The following FAXC variants were observed in gnomAD, a reference collection of about 807,000 sequenced individuals.
The protein encoded by FAXC is failed axon connections homolog, metaxin like GST domain containing.
FAXC carries 10 observed loss-of-function variants against 41.9 expected under a neutral mutation model. The ratio of observed to expected loss-of-function variants is 0.24; its 90% CI spans 0.15 to 0.41. The LOEUF (loss-of-function observed/expected upper bound fraction) is 0.41. FAXC is among the 10% of genes least tolerant of loss of function. The pLI is 1.00. For missense variants in FAXC, 399 were observed against 510.9 expected (o/e 0.78, Z 2.11); for synonymous variants, 183 against 183.8 (o/e 1.00, Z 0.03).
rs1230383959 is a variant in FAXC at position 99,273,426 on chromosome 6, A to G, written c.*7738T>C. ...AGATTGATGCTGAAATTCACAGACA[A>G]TACATCCTGCATTTGCATTATCTGG... On this transcript the variant is annotated 3_prime_UTR_variant, in exon 6 of 6. Coordinates refer to ENST00000389677, the MANE Select transcript of FAXC (RefSeq NM_032511.4). The G allele has an allele frequency of 6.6e-6, 1 of 151,568 alleles. No homozygotes were observed. Among genetic ancestry groups the G allele is most frequent in the Non-Finnish European group, 1.5e-5 (1 of 67,974 alleles). The allele number at this position is 151,568 out of a possible 1,614,324, so 9.4% of individuals were successfully genotyped here. A position where few individuals can be genotyped will look rare whatever the true frequency, so the allele number is the denominator to read the frequency against.
intron 4 of FAXC, among the ~76,000 whole-genome samples, chr6:99,317,542 TAGTC>T (rs1582659441): frequency 6.6e-6 from 1 of 150,376 alleles, no homozygotes; most frequent in East Asian, 1.9e-4. Flanking sequence ...ACCAAGGTAG[TAGTC>T]AGGTCAGAAA....
At chr6:99,302,694 G>A (rs1318246712) in intron 4 of FAXC, among the ~76,000 whole-genome samples, 2 of 151,816 alleles carry the variant, frequency 1.3e-5, no homozygotes. Context: ...ATATCACTAG[G>A]TCCAGCCTAC....
rs919804344 is a variant in FAXC at position 99,278,835 on chromosome 6, T to G, written c.*2329A>C. On this transcript the variant is annotated 3_prime_UTR_variant, in exon 6 of 6. Transcript: ENST00000389677. ...TTATTTTACAACTTCATTTTCAAAG[T>G]TGGTTCTCCACATACTTGTATTCCA... The G allele has an allele frequency of 3.3e-5, 5 of 152,216 alleles. No individual in the cohort carries two copies. The highest frequency in any genetic ancestry group is 1.2e-4 in the African/African-American group (5 of 41,458). The allele number at this position is 152,216 out of a possible 1,614,324, so 9.4% of individuals were successfully genotyped here.
At chr6:99,348,964 G>A in intron 1 of FAXC, 143 bp downstream of exon 1, 1 of 749,780 alleles carries the variant, frequency 1.3e-6, no homozygotes, top group South Asian at 1.7e-5. Flanking sequence ...GACCACAAAT[G>A]CCTTTAGGGA....
At chr6:99,287,475 T>C (rs951220000) in intron 5 of FAXC, among the ~76,000 whole-genome samples, 7 of 152,208 alleles carry the variant, frequency 4.6e-5, no homozygotes, top group African/African-American at 1.4e-4. Flanking sequence ...TACATATGTA[T>C]ATTCAAAGCC....
chr6:99,325,125 G>A (rs1772747758), intron 3 of FAXC, among the ~76,000 whole-genome samples: 1 of 151,444 alleles, frequency 6.6e-6, no homozygotes, highest in Non-Finnish European at 1.5e-5. Context: ...TAAATCAAAG[G>A]GGTGAAAAAT....
At chr6:99,299,444 A>G (rs1424411197) in intron 4 of FAXC, among the ~76,000 whole-genome samples, 1 of 152,224 alleles carries the variant, frequency 6.6e-6, no homozygotes, top group African/African-American at 2.4e-5. Flanking sequence ...TAAGACATAA[A>G]GTACAATTGT....
intron 4 of FAXC, among the ~76,000 whole-genome samples, chr6:99,305,367 T>C (rs1464488382): frequency 6.6e-6 from 1 of 152,150 alleles, no homozygotes; most frequent in East Asian, 1.9e-4. Context: ...GGTGATGAAT[T>C]AGAGCCATCT....
At chr6:99,348,784 C>A (rs1007905783) in intron 1 of FAXC, among the ~76,000 whole-genome samples, 2 of 152,224 alleles carry the variant, frequency 1.3e-5, no homozygotes, top group Non-Finnish European at 2.9e-5. Flanking sequence ...TAACCTATTT[C>A]TGCAGGGCCC....
chr6:99,286,780 A>C (rs1771043251), intron 5 of FAXC, among the ~76,000 whole-genome samples: 2 of 152,088 alleles, frequency 1.3e-5, no homozygotes, highest in Admixed American at 1.3e-4. Context: ...ATCAAATCTA[A>C]CTCCACATTA....
chr6:99,297,944 A>G (rs903707955), intron 4 of FAXC, among the ~76,000 whole-genome samples: 1 of 152,202 alleles, frequency 6.6e-6, no homozygotes, highest in African/African-American at 2.4e-5. Context: ...AGAGTAGTCT[A>G]GCAGCACCAG....
chr6:99,289,390 C>T (rs1006044732), intron 5 of FAXC, among the ~76,000 whole-genome samples: 1 of 152,116 alleles, frequency 6.6e-6, no homozygotes, highest in Non-Finnish European at 1.5e-5. Flanking sequence ...GTGGTTCATA[C>T]CTGTTATCTC....
At chr6:99,307,234 G>C (rs1229745304) in intron 4 of FAXC, among the ~76,000 whole-genome samples, 1 of 152,192 alleles carries the variant, frequency 6.6e-6, no homozygotes, top group African/African-American at 2.4e-5. Context: ...TGGGAGATAA[G>C]GGAAGAGCAT....
intron 4 of FAXC, among the ~76,000 whole-genome samples, chr6:99,304,839 A>C (rs1253612494): frequency 6.6e-6 from 1 of 152,074 alleles, no homozygotes; most frequent in Non-Finnish European, 1.5e-5. Context: ...ATAACACAGC[A>C]CTCCCTTGAT....
chr6:99,331,699 A>T (rs891576141), intron 3 of FAXC, among the ~76,000 whole-genome samples: 2 of 152,220 alleles, frequency 1.3e-5, no homozygotes, highest in Non-Finnish European at 2.9e-5. Context: ...CAATGGGCCC[A>T]TCAATCAAAT....
At chr6:99,343,710 C>T (rs1429623896) in intron 1 of FAXC, among the ~76,000 whole-genome samples, 1 of 152,158 alleles carries the variant, frequency 6.6e-6, no homozygotes, top group Non-Finnish European at 1.5e-5. Flanking sequence ...TGCTATGACC[C>T]AAGTCTGTAG....
At chr6:99,316,360 T>C (rs933688703) in intron 4 of FAXC, among the ~76,000 whole-genome samples, 5 of 152,196 alleles carry the variant, frequency 3.3e-5, no homozygotes, top group Admixed American at 2.0e-4. Flanking sequence ...GTAGCTCTTC[T>C]ACATGTGTTA....
intron 2 of FAXC, among the ~76,000 whole-genome samples, chr6:99,342,290 C>A (rs1017030821): frequency 6.6e-6 from 1 of 152,072 alleles, no homozygotes; most frequent in Non-Finnish European, 1.5e-5. Flanking sequence ...CAGGCAGTGG[C>A]ACACCCATCT....
rs997095809 is a variant in FAXC at position 99,275,842 on chromosome 6, G to GT, written c.*5321dup. 2 of 152,206 alleles carry GT rather than the reference G, an allele frequency of 1.3e-5. No individual in the cohort carries two copies. Among genetic ancestry groups the GT allele is most frequent in the African/African-American group, 4.8e-5 (2 of 41,450 alleles). The allele number at this position is 152,206 out of a possible 1,614,324, so 9.4% of individuals were successfully genotyped here. A position where few individuals can be genotyped will look rare whatever the true frequency, so the allele number is the denominator to read the frequency against. ...CAGATGTTCGCATCCACGCCTGACA[G>GT]TAGCAAGAGTCTTACAGGTAAGAGG... is the stretch of plus-strand genomic sequence containing the variant. On this transcript the variant is annotated 3_prime_UTR_variant, in exon 6 of 6. Coordinates refer to ENST00000389677, the MANE Select transcript of FAXC (RefSeq NM_032511.4).
Sources: gnomAD v4.1 joint callset for allele counts (sites outside exome capture counted in the v4.1 genomes callset) on GRCh38, gnomAD v4.1.1 for gene constraint, MANE v1.5 for transcripts, NCBI Gene and HGNC (gene_info 2026-07-23, HGNC 2026-07-21) for gene names.